Variants in SLC29A4 observed in about 807,000 individuals in gnomAD.
The protein encoded by SLC29A4 is solute carrier family 29 member 4.
A neutral mutation model predicts 43.9 loss-of-function variants in SLC29A4; 36 were observed. The ratio of observed to expected loss-of-function variants is 0.82; its 90% CI spans 0.63 to 1.08. The LOEUF (loss-of-function observed/expected upper bound fraction) is 1.08, where lower values mean the gene tolerates loss of function less well. SLC29A4 is among the 50% of genes least tolerant of loss of function. The probability of loss-of-function intolerance (pLI) is 0.00; values close to 1 mark genes in which losing one functional copy is unlikely to be tolerated. For synonymous variants in SLC29A4, 491 were observed against 338.0 expected (o/e 1.45, Z -4.97); for missense variants, 869 against 755.3 (o/e 1.15, Z -1.77).
chr7:5,297,399 G>A (rs910324493), intron 7 of SLC29A4, among the ~76,000 whole-genome samples: 15 of 152,156 alleles, frequency 9.9e-5, no homozygotes, highest in Admixed American at 2.6e-4. Context: ...CCCACGTCTC[G>A]TGGCCTAAGG....
At position 5,294,880 on chromosome 7, in the gene SLC29A4, G is replaced by A; in HGVS notation, c.565G>A (p.Gly189Arg). The A allele has an allele frequency of 5.6e-6, 9 of 1,612,208 alleles. No individual in the cohort carries two copies. Among genetic ancestry groups the A allele is most frequent in the South Asian group, 1.1e-5 (1 of 90,984 alleles). ...TTAAGTGCAGCAATCCAGCTTCTAC[G>A]GGTACACGGGGATGCTGCCCAAGCG... ...GCTVQQSSFY[G>R]YTGMLPKRYT... The change falls in exon 6 of 11, where the codon GGG (glycine) becomes AGG (arginine). Residue 189 changes from glycine (G) to arginine (R), a missense_variant. Transcript: ENST00000396872.
In SLC29A4 at chr7:5,297,110, C is replaced by G. The variant is rs540085267; in HGVS notation, c.794C>G (p.Pro265Arg). ...TTCGTGCTCTTCTATACCACACGGC[C>G]GCGTGACAGCCACCGGGGCAGGCCA... is the stretch of plus-strand genomic sequence containing the variant. ...SRFVLFYTTR[P>R]RDSHRGRPGL... is the part of the protein sequence containing the mutation. Residue 265 changes from proline to arginine, a missense_variant, in exon 7 of 11, where the codon CCG (proline) becomes CGG (arginine). Coordinates refer to ENST00000396872, the MANE Select transcript of SLC29A4 (RefSeq NM_153247.4). 1.2e-6 allele frequency: 2 copies of G among 1,607,148 alleles called. No homozygotes were observed. Among genetic ancestry groups the G allele is most frequent in the African/African-American group, 2.7e-5 (2 of 75,004 alleles).
At chr7:5,298,008 C>T (rs1185226983) in intron 7 of SLC29A4, among the ~76,000 whole-genome samples, 2 of 152,206 alleles carry the variant, frequency 1.3e-5, no homozygotes, top group Non-Finnish European at 2.9e-5. Context: ...TCAGGGCCGG[C>T]AGCTGTACAG....
rs1785071077 is a variant in SLC29A4, at chr7:5,288,044, C to A, written c.169+59C>A. The A allele has an allele frequency of 2.0e-6, 3 of 1,533,876 alleles. No individual in the cohort carries two copies. In the Admixed American group the frequency reaches 6.6e-5, roughly 34 times the overall value. ...CCCCAAAGCAGGCTGGGCTGTGTGA[C>A]CCCCAGTGAAGCCTTGCGGTATCGG... On this transcript the variant is annotated intron_variant, in intron 2 of 10. Coordinates refer to ENST00000396872, the MANE Select transcript of SLC29A4 (RefSeq NM_153247.4).
intron 7 of SLC29A4, among the ~76,000 whole-genome samples, chr7:5,297,993 C>A (rs1372372509): frequency 6.6e-6 from 1 of 152,176 alleles, no homozygotes; most frequent in Non-Finnish European, 1.5e-5. Flanking sequence ...CACAGCCCCC[C>A]AGGCTCAGGG....
Position 5,287,949 on chromosome 7 carries a change from C to T in SLC29A4, c.133C>T (p.Leu45Phe), listed in dbSNP as rs748454436. 24 of 1,611,152 alleles carry T rather than the reference C, an allele frequency of 1.5e-5. No homozygotes were observed. The highest frequency in any genetic ancestry group is 1.2e-4 in the African/African-American group (9 of 74,864). ...GGCGGAGGCGGCTCAGGGCCAGGGC[C>T]TTAGGGCCAGGGGCGTCCCAGCTTT... ...EAAEAAQGQG[L>F]RARGVPAFTD... Residue 45 changes from leucine (L) to phenylalanine (F), a missense_variant, in exon 2 of 11, where the codon CTT becomes TTT. Leu to Phe is a conservative substitution (Grantham distance 22). Coordinates refer to ENST00000396872, the MANE Select transcript of SLC29A4 (RefSeq NM_153247.4).
chr7:5,290,885 C>G lies in SLC29A4; in HGVS notation c.301+22C>G, dbSNP rs376318536. On this transcript the variant is annotated intron_variant, in intron 3 of 10. Coordinates refer to ENST00000396872, the MANE Select transcript of SLC29A4 (RefSeq NM_153247.4). Reference sequence around the variant, plus strand: ...CCAGGTGGGTCCCTCCACGGTCACGCCCAGCCACTCAGCATCCTCCATCAT... The same window carrying G: ...CCAGGTGGGTCCCTCCACGGTCACGGCCAGCCACTCAGCATCCTCCATCAT... 87 of 1,592,180 alleles carry G rather than the reference C, an allele frequency of 5.5e-5. No homozygotes were observed. The African/African-American group carries it at 1.1e-3, about 20-fold the overall frequency.
At chr7:5,290,655 T>C (rs1311406993) in intron 2 of SLC29A4, 77 bp from the exon 3 acceptor site, 10 of 1,530,506 alleles carry the variant, frequency 6.5e-6, no homozygotes, top group Non-Finnish European at 5.3e-6. Flanking sequence ...GCGGCCGGGG[T>C]GGTGGACATC....
Position 5,297,046 on chromosome 7 carries a change from C to T in SLC29A4, c.730C>T (p.Leu244=), listed in dbSNP as rs750586091. Residue 244 remains leucine (L), a synonymous_variant, in exon 7 of 11, where the codon CTG becomes TTG. Transcript: ENST00000396872. ...FFLVSVALEL[L]CFLLHLLVRR... ...CCTGGTGTCGGTGGCGCTGGAGCTG[C>T]TGTGTTTCCTGCTGCACCTGTTAGT... 14 of 1,607,430 alleles carry T rather than the reference C, an allele frequency of 8.7e-6. No individual in the cohort carries two copies. Among genetic ancestry groups the T allele is most frequent in the African/African-American group, 1.3e-5 (1 of 74,836 alleles).
chr7:5,301,559 A>T (rs1332448716), intron 10 of SLC29A4, among the ~76,000 whole-genome samples: 2 of 152,184 alleles, frequency 1.3e-5, no homozygotes, highest in Non-Finnish European at 1.5e-5. Flanking sequence ...GCAGAAGAGG[A>T]ACGGGGTTTG....
In SLC29A4 at chr7:5,287,949, C is replaced by G; in HGVS notation, c.133C>G (p.Leu45Val). The G allele has an allele frequency of 6.2e-7, 1 of 1,611,270 alleles. No individual in the cohort carries two copies. Among genetic ancestry groups the G allele is most frequent in the Non-Finnish European group, 8.5e-7 (1 of 1,179,592 alleles). ...GGCGGAGGCGGCTCAGGGCCAGGGC[C>G]TTAGGGCCAGGGGCGTCCCAGCTTT... is the stretch of plus-strand genomic sequence containing the variant. Reference protein sequence around the residue: ...EAAEAAQGQGLRARGVPAFTD... With the variant: ...EAAEAAQGQGVRARGVPAFTD... Residue 45 changes from leucine (L) to valine (V), a missense_variant, in exon 2 of 11, where the codon CTT (leucine) becomes GTT (valine). Coordinates refer to ENST00000396872, the MANE Select transcript of SLC29A4 (RefSeq NM_153247.4).
chr7:5,302,592 C>G (rs1409084404), intron 10 of SLC29A4, among the ~76,000 whole-genome samples: 2 of 152,194 alleles, frequency 1.3e-5, no homozygotes, highest in Non-Finnish European at 2.9e-5. Context: ...CAGGCAAGGC[C>G]TGGAGTGCAT....
chr7:5,287,080 G>C (rs918669829), intron 1 of SLC29A4, among the ~76,000 whole-genome samples: 3 of 152,162 alleles, frequency 2.0e-5, no homozygotes, highest in African/African-American at 7.2e-5. Flanking sequence ...CCTCCCCTCT[G>C]ACCCCTTCTC....
chr7:5,292,140 T>A (rs1472130653), intron 5 of SLC29A4, among the ~76,000 whole-genome samples: 1 of 152,238 alleles, frequency 6.6e-6, no homozygotes, highest in Non-Finnish European at 1.5e-5. Context: ...GGCTTTGATC[T>A]GACTTTGTCA....
chr7:5,297,117 C>G lies in SLC29A4; in HGVS notation c.801C>G (p.Asp267Glu), dbSNP rs1156559260. 1 of 1,606,880 alleles carries G rather than the reference C, an allele frequency of 6.2e-7. No homozygotes were observed. Among genetic ancestry groups the G allele is most frequent in the African/African-American group, 1.3e-5 (1 of 74,900 alleles). The change falls in exon 7 of 11, where the codon GAC becomes GAG. Residue 267 changes from aspartate (D) to glutamate (E), a missense_variant. Coordinates refer to ENST00000396872, the MANE Select transcript of SLC29A4 (RefSeq NM_153247.4). The stretch of plus-strand genomic sequence containing the variant: ...TCTTCTATACCACACGGCCGCGTGA[C>G]AGCCACCGGGGCAGGCCAGGCCTGG... ...FVLFYTTRPRDSHRGRPGLGR... is the reference protein window; with the variant it reads ...FVLFYTTRPRESHRGRPGLGR...
chr7:5,296,831 CGGGGCCGG>C, intron 6 of SLC29A4, 97 bp from the exon 7 acceptor site: 1 of 1,139,678 alleles, frequency 8.8e-7, no homozygotes, highest in Non-Finnish European at 1.1e-6. Flanking sequence ...TGGTGGAGGG[CGGGGCCGG>C]TGGGGAGGGG....
At chr7:5,292,019 C>T (rs1785343151) in intron 5 of SLC29A4, among the ~76,000 whole-genome samples, 198 bp downstream of exon 5, 1 of 152,248 alleles carries the variant, frequency 6.6e-6, no homozygotes, top group African/African-American at 2.4e-5. Flanking sequence ...GCAGTGTGTG[C>T]GCAGCGTGTA....
chr7:5,288,298 CTTTTTTTTTTT>C (rs34436127), intron 2 of SLC29A4, among the ~76,000 whole-genome samples: 2 of 68,756 alleles, frequency 2.9e-5, no homozygotes, highest in East Asian at 3.8e-4. Flanking sequence ...CGTACAGCTT[CTTTTTTTTTTT>C]TTTTTTTTTT....
rs1207624429 is a variant in SLC29A4, at chr7:5,302,950, C to G, written c.*11C>G. The G allele has an allele frequency of 4.4e-6, 7 of 1,603,402 alleles. No homozygotes were observed. Among genetic ancestry groups the G allele is most frequent in the Non-Finnish European group, 6.0e-6 (7 of 1,176,356 alleles). ...CTCGCAGGCCTCTGAGCCAGCCCCG[C>G]CCACTGCCAGGGACGCCGAGGGCCT... On this transcript the variant is annotated 3_prime_UTR_variant, in exon 11 of 11. Transcript: ENST00000396872.
Sources: allele counts gnomAD v4.1 joint callset (sites outside exome capture counted in the v4.1 genomes callset), GRCh38; gene constraint gnomAD v4.1.1; transcripts MANE v1.5; gene names NCBI Gene and HGNC (gene_info 2026-07-23, HGNC 2026-07-21).